Variants in KCNH5 observed in about 807,000 individuals in gnomAD.
The protein encoded by KCNH5 is voltage-gated delayed rectifier potassium channel KCNH5.
Under a neutral mutation model 96.1 loss-of-function variants are expected in KCNH5, and 46 were observed. The ratio of observed to expected loss-of-function variants is 0.48; its 90% CI spans 0.38 to 0.61. The LOEUF (loss-of-function observed/expected upper bound fraction) is 0.61. Among genes scored for constraint, KCNH5 ranks in the 20% least tolerant of loss-of-function variants. The pLI is 0.00. For synonymous variants in KCNH5, 439 were observed against 449.8 expected (o/e 0.98, Z 0.30); for missense variants, 907 against 1,225.8 (o/e 0.74, Z 3.88).
At chr14:62,753,717 C>A (rs1885555265) in intron 10 of KCNH5, among the ~76,000 whole-genome samples, 1 of 152,108 alleles carries the variant, frequency 6.6e-6, no homozygotes, top group Non-Finnish European at 1.5e-5. Context: ...GAAAAAAACC[C>A]TTTTACCCTA....
intron 7 of KCNH5, among the ~76,000 whole-genome samples, chr14:62,910,207 T>G (rs1281587259): frequency 6.6e-6 from 1 of 151,928 alleles, no homozygotes; most frequent in African/African-American, 2.4e-5. Flanking sequence ...GTTTCATTTT[T>G]AAAAACCTTA....
intron 6 of KCNH5, among the ~76,000 whole-genome samples, chr14:62,979,526 G>C (rs1041412014): frequency 3.3e-5 from 5 of 151,794 alleles, no homozygotes; most frequent in Non-Finnish European, 4.4e-5. Flanking sequence ...AACACACATA[G>C]AGAAATAATA....
chr14:62,724,348 C>A (rs1884878765), intron 10 of KCNH5, among the ~76,000 whole-genome samples: 1 of 152,148 alleles, frequency 6.6e-6, no homozygotes, highest in African/African-American at 2.4e-5. Context: ...AAAGATGGGG[C>A]TGAACTTGCT....
chr14:62,991,175 G>T (rs548120056), intron 4 of KCNH5, among the ~76,000 whole-genome samples: 2 of 152,034 alleles, frequency 1.3e-5, no homozygotes, highest in Non-Finnish European at 2.9e-5. Flanking sequence ...ATGAATTAAT[G>T]ATGATTAATG....
intron 7 of KCNH5, among the ~76,000 whole-genome samples, chr14:62,877,778 T>A (rs1476580391): frequency 1.3e-5 from 2 of 151,874 alleles, no homozygotes; most frequent in African/African-American, 4.8e-5. Flanking sequence ...ATTGTGGAAG[T>A]CAGTGTGGTG....
intron 8 of KCNH5, among the ~76,000 whole-genome samples, chr14:62,831,885 T>C (rs1489320223): frequency 6.6e-6 from 1 of 152,028 alleles, no homozygotes; most frequent in Non-Finnish European, 1.5e-5. Flanking sequence ...GTTTTTTTTC[T>C]TATTTTTTGT....
chr14:63,020,274 T>C (rs892699796), intron 1 of KCNH5, among the ~76,000 whole-genome samples: 1 of 152,148 alleles, frequency 6.6e-6, no homozygotes, highest in Non-Finnish European at 1.5e-5. Context: ...GTTAAATATG[T>C]ATCTATGACC....
chr14:62,718,850 T>C (rs996799687), intron 10 of KCNH5, among the ~76,000 whole-genome samples: 5 of 152,132 alleles, frequency 3.3e-5, no homozygotes, highest in Admixed American at 3.3e-4. Flanking sequence ...AGTGTATCCA[T>C]ACAATGAAAT....
chr14:62,885,004 C>T (rs548727844), intron 7 of KCNH5, among the ~76,000 whole-genome samples: 33 of 152,226 alleles, frequency 2.2e-4, no homozygotes, highest in African/African-American at 7.5e-4. Flanking sequence ...AAAACAACAA[C>T]GATCTCAAAT....
intron 7 of KCNH5, among the ~76,000 whole-genome samples, chr14:62,866,500 T>C (rs1160962749): frequency 6.6e-6 from 1 of 152,160 alleles, no homozygotes; most frequent in Non-Finnish European, 1.5e-5. Context: ...TAAAGCCATA[T>C]CAAGTTCATT....
At chr14:62,726,425 A>G (rs1952446833) in intron 10 of KCNH5, among the ~76,000 whole-genome samples, 1 of 152,196 alleles carries the variant, frequency 6.6e-6, no homozygotes. Flanking sequence ...TCCAGAATCT[A>G]TAAAAAATTG....
intron 6 of KCNH5, among the ~76,000 whole-genome samples, chr14:62,952,794 G>A (rs949740453): frequency 6.6e-6 from 1 of 152,050 alleles, no homozygotes; most frequent in South Asian, 2.1e-4. Context: ...TCCAAATGGT[G>A]GGAAGACACA....
chr14:63,000,847 G>A (rs187432932), intron 4 of KCNH5, among the ~76,000 whole-genome samples: 28 of 152,288 alleles, frequency 1.8e-4, no homozygotes, highest in African/African-American at 5.8e-4. Flanking sequence ...GCCAAGGGGG[G>A]TCAGATAACT....
At chr14:62,759,369 T>C (rs1029474738) in intron 10 of KCNH5, among the ~76,000 whole-genome samples, 3 of 152,096 alleles carry the variant, frequency 2.0e-5, no homozygotes, top group Admixed American at 6.6e-5. Flanking sequence ...AGAGAATGCT[T>C]AGATAATTTG....
chr14:62,957,945 AT>A (rs1890136247), intron 6 of KCNH5, among the ~76,000 whole-genome samples: 3 of 152,244 alleles, frequency 2.0e-5, no homozygotes, highest in Admixed American at 2.0e-4. Flanking sequence ...GATATTATCT[AT>A]AAAGCTTTAG....
chr14:63,030,665 A>C (rs564433387), intron 1 of KCNH5, among the ~76,000 whole-genome samples: 1 of 152,284 alleles, frequency 6.6e-6, no homozygotes, highest in Admixed American at 6.5e-5. Context: ...CCCAGGCATC[A>C]ATACTTATTG....
intron 7 of KCNH5, among the ~76,000 whole-genome samples, chr14:62,863,394 C>G (rs1888074270): frequency 6.6e-6 from 1 of 152,074 alleles, no homozygotes; most frequent in Non-Finnish European, 1.5e-5. Flanking sequence ...AAAAACAAAC[C>G]ATTAAGAGGG....
chr14:62,703,900 C>T lies in KCNH5; in HGVS notation c.*3608G>A, dbSNP rs1222868689. On this transcript the variant is annotated 3_prime_UTR_variant, in exon 11 of 11. Coordinates refer to ENST00000322893, the MANE Select transcript of KCNH5 (RefSeq NM_139318.5). ...TCATTAGAAATATGATGAATAATTT[C>T]ACAAATATCTGCCACTGCACACTTC... 6.6e-6 allele frequency: 1 copy of T among 151,690 alleles called. No homozygotes were observed. The highest frequency in any genetic ancestry group is 1.5e-5 in the Non-Finnish European group (1 of 67,748). The allele number at this position is 151,690 out of a possible 1,614,324, so 9.4% of individuals were successfully genotyped here. A position where few individuals can be genotyped will look rare whatever the true frequency, so the allele number is the denominator to read the frequency against.
chr14:62,980,929 G>A lies in KCNH5; in HGVS notation c.885C>T (p.Ile295=), dbSNP rs1230839550. ...RMNYLKTWFV[I]DLLSCLPYDI... The stretch of plus-strand genomic sequence containing the variant: ...CATAAGGTAAACAAGACAGCAGATC[G>A]ATCACAAACCAAGTTTTCAGATAGT... The change falls in exon 6 of 11, where the codon ATC becomes ATT. Residue 295 remains isoleucine, a synonymous_variant. Coordinates refer to ENST00000322893, the MANE Select transcript of KCNH5 (RefSeq NM_139318.5). 5.6e-6 allele frequency: 9 copies of A among 1,613,888 alleles called. No homozygotes were observed. Among genetic ancestry groups the A allele is most frequent in the African/African-American group, 1.3e-5 (1 of 74,898 alleles).
Sources: allele counts gnomAD v4.1 joint callset (sites outside exome capture counted in the v4.1 genomes callset), GRCh38; gene constraint gnomAD v4.1.1; transcripts MANE v1.5; gene names NCBI Gene and HGNC (gene_info 2026-07-23, HGNC 2026-07-21).